The following PPFIBP2 variants were observed in gnomAD, a reference collection of about 807,000 sequenced individuals.
PPFIBP2 encodes PPFIB scaffold protein 2, also known as liprin-beta-2.
In PPFIBP2, 118 loss-of-function variants were observed where a neutral mutation model predicts 118.3. The observed-to-expected ratio is 1.00, with a 90% confidence interval of 0.86 to 1.16. The LOEUF (loss-of-function observed/expected upper bound fraction) is 1.16, where lower values mean the gene tolerates loss of function less well. Ranked by LOEUF, PPFIBP2 falls within the 50% of genes most tolerant of loss-of-function variation. The probability of loss-of-function intolerance (pLI) is 0.00; values close to 1 mark genes in which losing one functional copy is unlikely to be tolerated. For missense variants in PPFIBP2, 1,195 were observed against 1,073.1 expected (o/e 1.11, Z -1.59); for synonymous variants, 414 against 397.4 (o/e 1.04, Z -0.50).
the PPFIBP2 span, chr11:7,665,385 A>G: frequency 6.4e-7 from 1 of 1,572,590 alleles, no homozygotes; most frequent in Non-Finnish European, 8.6e-7. Flanking sequence ...TAGTAGGTGA[A>G]AATCATGTCC....
At chr11:7,591,391 C>A (rs1859275787) in intron 3 of PPFIBP2, among the ~76,000 whole-genome samples, 2 of 149,438 alleles carry the variant, frequency 1.3e-5, no homozygotes, top group Admixed American at 1.4e-4. Flanking sequence ...CTGTTTAATT[C>A]TCTGTCCACT....
In PPFIBP2 at chr11:7,649,157, T is replaced by C. The variant is rs1565125016; in HGVS notation, c.1920T>C (p.Asp640=). Residue 640 remains aspartate (D), a synonymous_variant, in exon 20 of 24, where the codon GAT becomes GAC. Transcript: ENST00000299492. ...TTTTTGTATTTGTAGGGTGGCTTGATGATATTGGCTTACCCCAGTACAAAG... is the reference window on the plus strand; with the variant it reads ...TTTTTGTATTTGTAGGGTGGCTTGACGATATTGGCTTACCCCAGTACAAAG... ...LDHIWVTRWL[D]DIGLPQYKDQ... 3.1e-6 allele frequency: 5 copies of C among 1,613,874 alleles called. No individual in the cohort carries two copies. In the Admixed American group the frequency reaches 5.0e-5, roughly 16 times the overall value.
chr11:7,639,627 GA>G lies in PPFIBP2; in HGVS notation c.1237-100del. 8 of 1,463,570 alleles carry G rather than the reference GA, an allele frequency of 5.5e-6. No individual in the cohort carries two copies. The South Asian group carries it at 9.4e-5, about 17-fold the overall frequency. 90.7% of individuals were successfully genotyped at this position (1,463,570 alleles called of 1,614,324 possible). Reference sequence around the variant, plus strand: ...GAGGGGTGTTCAAGTCACCATATGTGAAAAATGGCTCTTGCAAAACAGGGAG... The same window carrying G: ...GAGGGGTGTTCAAGTCACCATATGTGAAAATGGCTCTTGCAAAACAGGGAG... On this transcript the variant is annotated intron_variant, in intron 14 of 23. Transcript: ENST00000299492.
At chr11:7,586,325 T>C (rs554144759) in intron 3 of PPFIBP2, among the ~76,000 whole-genome samples, 42 of 152,374 alleles carry the variant, frequency 2.8e-4, no homozygotes, top group African/African-American at 9.6e-4. Flanking sequence ...CATTAAATGA[T>C]GCCTTCTAAC....
intron 3 of PPFIBP2, 66 bp downstream of exon 3, chr11:7,565,833 A>C: frequency 6.5e-7 from 1 of 1,538,516 alleles, no homozygotes; most frequent in Non-Finnish European, 8.9e-7. Flanking sequence ...ATGGAGTGCC[A>C]CTGCTGACTG....
intron 6 of PPFIBP2, among the ~76,000 whole-genome samples, chr11:7,617,910 C>G (rs1050413729): frequency 7.5e-6 from 1 of 132,860 alleles, no homozygotes; most frequent in East Asian, 2.9e-4. Context: ...GGACTTGGCT[C>G]TCCACACGGG....
intron 5 of PPFIBP2, among the ~76,000 whole-genome samples, chr11:7,608,461 T>G (rs1847660777): frequency 6.6e-6 from 1 of 151,294 alleles, no homozygotes; most frequent in Non-Finnish European, 1.5e-5. Context: ...GCCAACATGG[T>G]GAAACCCCGT....
chr11:7,590,620 T>C (rs1859080084), intron 3 of PPFIBP2, among the ~76,000 whole-genome samples: 1 of 152,236 alleles, frequency 6.6e-6, no homozygotes, highest in African/African-American at 2.4e-5. Flanking sequence ...TAGAAACATT[T>C]TGTAAGAAAC....
intron 4 of PPFIBP2, among the ~76,000 whole-genome samples, chr11:7,594,820 C>G (rs969339578): frequency 4.1e-5 from 6 of 146,468 alleles, no homozygotes; most frequent in African/African-American, 1.0e-4. Context: ...GGAAGGCTGA[C>G]GTAGGAGAAT....
chr11:7,580,356 G>C (rs1029938610), intron 3 of PPFIBP2, among the ~76,000 whole-genome samples: 1 of 152,158 alleles, frequency 6.6e-6, no homozygotes. Flanking sequence ...TGGAGAGCTG[G>C]TTTCTCTGAA....
intron 17 of PPFIBP2, among the ~76,000 whole-genome samples, chr11:7,646,131 T>C (rs1316323125): frequency 1.3e-5 from 2 of 152,228 alleles, no homozygotes; most frequent in Non-Finnish European, 2.9e-5. Flanking sequence ...ATGAATGATA[T>C]GAATCCATTG....
chr11:7,544,177 C>T (rs1477744001), intron 1 of PPFIBP2, among the ~76,000 whole-genome samples: 1 of 152,128 alleles, frequency 6.6e-6, no homozygotes, highest in African/African-American at 2.4e-5. Flanking sequence ...AACAACATAC[C>T]CTGCCTTATC....
chr11:7,554,417 A>C (rs72849071), intron 2 of PPFIBP2, among the ~76,000 whole-genome samples: 7,505 of 152,190 alleles, frequency 0.049, 236 homozygotes, highest in African/African-American at 0.1. Context: ...TACTTTCCAA[A>C]ACTCCTTCTA....
chr11:7,625,102 G>A (rs1488812487), intron 7 of PPFIBP2, among the ~76,000 whole-genome samples: 1 of 152,196 alleles, frequency 6.6e-6, no homozygotes, highest in African/African-American at 2.4e-5. Context: ...ATGAATGTAT[G>A]TGTGTACTTA....
At chr11:7,657,602 C>T (rs948767010), downstream of PPFIBP2, among the ~76,000 whole-genome samples, 2 of 152,216 alleles carry the variant, frequency 1.3e-5, no homozygotes, top group Non-Finnish European at 2.9e-5. Flanking sequence ...TCACCAACTT[C>T]CCAAACATGT....
chr11:7,641,143 C>A, intron 15 of PPFIBP2: 1 of 1,175,052 alleles, frequency 8.5e-7, no homozygotes, highest in Non-Finnish European at 1.1e-6. Context: ...TTCACCAGCA[C>A]TCAGCCAGGG....
rs201083905 is a variant in PPFIBP2 at position 7,565,517 on chromosome 11, C to A, written c.65-36C>A. The A allele has an allele frequency of 3.1e-6, 5 of 1,607,688 alleles. No individual in the cohort carries two copies. In the Admixed American group the frequency reaches 8.3e-5, roughly 27 times the overall value. On this transcript the variant is annotated intron_variant, in intron 2 of 23. Coordinates refer to ENST00000299492, the MANE Select transcript of PPFIBP2 (RefSeq NM_003621.5). The stretch of plus-strand genomic sequence containing the variant: ...CTAGTACCTTGCTCAGGGTGTCCAC[C>A]CTTCTTACTGAGTTTTCACCTCTCT...
intron 21 of PPFIBP2, 96 bp from the exon 22 acceptor site, chr11:7,650,744 G>A (rs752888282): frequency 7.4e-5 from 104 of 1,399,780 alleles, no homozygotes; most frequent in Non-Finnish European, 9.6e-5. Flanking sequence ...GTTGTGATGC[G>A]TCTGGGGCAG....
intron 21 of PPFIBP2, among the ~76,000 whole-genome samples, chr11:7,650,133 C>T (rs564992547): frequency 1.2e-4 from 18 of 152,068 alleles, no homozygotes; most frequent in Non-Finnish European, 2.5e-4. Context: ...AAATAGTATA[C>T]GTAAATAACA....
Sources: gnomAD v4.1 joint callset for allele counts (sites outside exome capture counted in the v4.1 genomes callset) on GRCh38, gnomAD v4.1.1 for gene constraint, MANE v1.5 for transcripts, NCBI Gene and HGNC (gene_info 2026-07-23, HGNC 2026-07-21) for gene names.